SOX6: variants seen among roughly 807,000 people sequenced by gnomAD.
SOX6 encodes the protein transcription factor SOX-6.
In SOX6, 11 loss-of-function variants were observed where a neutral mutation model predicts 97.8. That is an observed-to-expected ratio of 0.11 (90% CI 0.07 to 0.19). The LOEUF is 0.19. Ranked by LOEUF, SOX6 falls within the 10% of genes least tolerant of loss-of-function variation. The pLI is 1.00. For missense variants in SOX6, 810 were observed against 1,039.5 expected (o/e 0.78, Z 3.04); for synonymous variants, 360 against 371.4 (o/e 0.97, Z 0.35).
chr11:16,076,495 A>G (rs78511065), intron 9 of SOX6, among the ~76,000 whole-genome samples: 5,468 of 152,022 alleles, frequency 0.036, 322 homozygotes, highest in African/African-American at 0.13. Flanking sequence ...GCCAATAAGC[A>G]TGTAACAAAA....
intron 4 of SOX6, among the ~76,000 whole-genome samples, chr11:16,196,530 C>T (rs191499923): frequency 2.6e-5 from 4 of 152,284 alleles, no homozygotes; most frequent in South Asian, 4.1e-4. Flanking sequence ...ATCTATGACA[C>T]TCTATTTTCT....
At chr11:16,118,501 A>T (rs1849407499) in intron 6 of SOX6, among the ~76,000 whole-genome samples, 1 of 152,244 alleles carries the variant, frequency 6.6e-6, no homozygotes, top group Non-Finnish European at 1.5e-5. Context: ...TAAGTTGTTG[A>T]TGATGCCATT....
intron 3 of SOX6, among the ~76,000 whole-genome samples, chr11:16,614,488 A>G (rs1848445088): frequency 6.6e-6 from 1 of 152,212 alleles, no homozygotes; most frequent in Admixed American, 6.5e-5. Flanking sequence ...CTGAGTGTCT[A>G]ACAATGGATT....
intron 1 of SOX6, among the ~76,000 whole-genome samples, chr11:16,438,715 A>AT (rs1859438737): frequency 6.7e-6 from 1 of 148,928 alleles, no homozygotes; most frequent in African/African-American, 2.5e-5. Flanking sequence ...AAAAAAAAAA[A>AT]GAAGAAAAAT....
chr11:16,592,337 A>G (rs1848163667), intron 4 of SOX6, among the ~76,000 whole-genome samples: 1 of 149,284 alleles, frequency 6.7e-6, no homozygotes. Flanking sequence ...CTCTCCATGA[A>G]TATCCCAAGT....
chr11:16,441,406 T>C (rs900466112), intron 1 of SOX6, among the ~76,000 whole-genome samples: 2 of 152,194 alleles, frequency 1.3e-5, no homozygotes, highest in Non-Finnish European at 2.9e-5. Context: ...TTTTTCCCTA[T>C]ATGCTACAAA....
rs184761974 is a variant in SOX6 at position 16,522,479 on chromosome 11, A to G, written n.610-46091T>C. Among the ~76,000 whole-genome samples the G allele has an allele frequency of 8.3e-3, 1,258 of 152,342 alleles. 21 individuals carry two copies. The highest frequency in any genetic ancestry group is 0.028 in the African/African-American group (1,145 of 41,578). ...CTGCCCTAAAAGAGCTCCTGAAGGA[A>G]GCACTAAACATGGAAAGGAACAACC... On this transcript the variant is annotated intron_variant and non_coding_transcript_variant, in intron 4 of 5. Coordinates refer to the SOX6 transcript ENST00000524520.
intron 2 of SOX6, among the ~76,000 whole-genome samples, chr11:16,727,466 G>A (rs1848315500): frequency 6.7e-6 from 1 of 150,354 alleles, no homozygotes; most frequent in African/African-American, 2.5e-5. Flanking sequence ...ATCTCGCTGT[G>A]CTGACCAGGC....
At chr11:16,456,279 C>T (rs997140747) in intron 1 of SOX6, among the ~76,000 whole-genome samples, 12 of 152,104 alleles carry the variant, frequency 7.9e-5, no homozygotes, top group Non-Finnish European at 1.3e-4. Context: ...AGGTGAACTA[C>T]AAATGCATTA....
rs578016799 is a variant in SOX6, at chr11:16,289,828, T to G, written c.445+28618A>C. ...GGGCCTAAAGTCCACCTGAATACAC[T>G]ACAATGGCTACGTCACAAAGAATAC... is the stretch of plus-strand genomic sequence containing the variant. On this transcript the variant is annotated intron_variant, in intron 3 of 15. Transcript: ENST00000683767. Among the ~76,000 whole-genome samples, 3 of 152,014 alleles carry G rather than the reference T, an allele frequency of 2.0e-5. No homozygotes were observed. In the South Asian group the frequency reaches 6.2e-4, roughly 32 times the overall value.
chr11:16,274,241 C>A (rs1240988357), intron 3 of SOX6, among the ~76,000 whole-genome samples: 1 of 152,028 alleles, frequency 6.6e-6, no homozygotes, highest in Non-Finnish European at 1.5e-5. Context: ...TGGGATTCAG[C>A]AACTCCTCTA....
intron 3 of SOX6, among the ~76,000 whole-genome samples, chr11:16,236,737 A>G (rs1297548221): frequency 6.6e-6 from 1 of 151,988 alleles, no homozygotes; most frequent in Non-Finnish European, 1.5e-5. Context: ...TATGTCTCTC[A>G]TTTCTATAAA....
chr11:16,050,086 A>C, intron 10 of SOX6, 148 bp from the exon 11 acceptor site: 1 of 807,962 alleles, frequency 1.2e-6, no homozygotes, highest in Non-Finnish European at 2.1e-6. Flanking sequence ...TACCTCCTTG[A>C]AGATTCATCG....
intron 4 of SOX6, among the ~76,000 whole-genome samples, chr11:16,528,103 C>T (rs1476215314): frequency 6.6e-6 from 1 of 152,050 alleles, no homozygotes; most frequent in African/African-American, 2.4e-5. Context: ...GCAGGTACAT[C>T]CCACGTATGA....
intron 9 of SOX6, among the ~76,000 whole-genome samples, chr11:16,063,503 T>TAC (rs1848012111): frequency 9.5e-5 from 1 of 10,572 alleles, no homozygotes; most frequent in Non-Finnish European, 1.9e-4. Flanking sequence ...ATTTTATATA[T>TAC]ATATATATAT....
chr11:16,499,938 G>A (rs1199738795), intron 4 of SOX6, among the ~76,000 whole-genome samples: 6 of 152,102 alleles, frequency 3.9e-5, no homozygotes, highest in East Asian at 1.9e-4. Context: ...GAAAAAGAGG[G>A]AATCCTCCCT....
intron 3 of SOX6, among the ~76,000 whole-genome samples, chr11:16,248,158 C>G (rs532892370): frequency 1.3e-5 from 2 of 152,314 alleles, no homozygotes; most frequent in South Asian, 4.1e-4. Context: ...AAAAGGTGGG[C>G]TTCCATGGCC....
chr11:16,690,959 T>A (rs1260527710), intron 3 of SOX6, among the ~76,000 whole-genome samples: 1 of 152,240 alleles, frequency 6.6e-6, no homozygotes, highest in Non-Finnish European at 1.5e-5. Context: ...AGGAAGCATC[T>A]GAAGATTAGG....
chr11:16,674,700 C>T (rs1847872442), intron 3 of SOX6, among the ~76,000 whole-genome samples: 2 of 152,086 alleles, frequency 1.3e-5, no homozygotes, highest in African/African-American at 4.8e-5. Context: ...CATGTAATCC[C>T]AGCACTTTGG....
Sources: allele counts gnomAD v4.1 joint callset (sites outside exome capture counted in the v4.1 genomes callset), GRCh38; gene constraint gnomAD v4.1.1; transcripts MANE v1.5; gene names NCBI Gene and HGNC (gene_info 2026-07-23, HGNC 2026-07-21).